The following VWA8 variants were observed in gnomAD, a reference collection of about 807,000 sequenced individuals.
VWA8 encodes von Willebrand factor A domain-containing protein 8.
VWA8 carries 221 observed loss-of-function variants against 241.5 expected under a neutral mutation model. The observed-to-expected ratio is 0.91, with a 90% CI of 0.82 to 1.02. The LOEUF is 1.02. VWA8 is among the 50% of genes least tolerant of loss of function. The probability of loss-of-function intolerance (pLI) is 0.00; values close to 1 mark genes in which losing one functional copy is unlikely to be tolerated. For synonymous variants in VWA8, 852 were observed against 827.1 expected (o/e 1.03, Z -0.52); for missense variants, 2,322 against 2,328.7 (o/e 1.00, Z 0.06).
At chr13:41,886,635 T>TA in intron 7 of VWA8, 146 bp downstream of exon 7, 1 of 671,314 alleles carries the variant, frequency 1.5e-6, no homozygotes, top group Non-Finnish European at 2.5e-6. Context: ...GATATCTTAT[T>TA]AATTTTATCA....
intron 12 of VWA8, among the ~76,000 whole-genome samples, chr13:41,840,571 A>C (rs1871951005): frequency 6.6e-6 from 1 of 152,104 alleles, no homozygotes; most frequent in African/African-American, 2.4e-5. Context: ...CAGCCTGGGC[A>C]ACAAGGCAAA....
At chr13:41,570,830 C>T (rs1593620549) in intron 43 of VWA8, 124 bp from the exon 44 acceptor site, 2 of 750,464 alleles carry the variant, frequency 2.7e-6, no homozygotes, top group East Asian at 5.4e-5. Flanking sequence ...GTAGTACATT[C>T]TAAGTTAGTT....
intron 36 of VWA8, among the ~76,000 whole-genome samples, chr13:41,671,497 T>C (rs2045023522): frequency 6.6e-6 from 1 of 152,214 alleles, no homozygotes; most frequent in Non-Finnish European, 1.5e-5. Context: ...TTAGGTTCTC[T>C]AAACTTGCTA....
chr13:41,570,000 A>G (rs1423947433), intron 44 of VWA8, among the ~76,000 whole-genome samples: 1 of 152,146 alleles, frequency 6.6e-6, no homozygotes, highest in African/African-American at 2.4e-5. Context: ...TATGTAGGTG[A>G]TGTCTCTATG....
At chr13:41,693,161 T>C (rs925654668) in intron 29 of VWA8, among the ~76,000 whole-genome samples, 189 bp from the exon 30 acceptor site, 1 of 152,048 alleles carries the variant, frequency 6.6e-6, no homozygotes, top group Non-Finnish European at 1.5e-5. Flanking sequence ...AAGAATTAAG[T>C]GCTTCTTAAT....
intron 4 of VWA8, among the ~76,000 whole-genome samples, chr13:41,898,785 G>A (rs6561022): frequency 0.28 from 34,427 of 123,196 alleles, 3,981 homozygotes; most frequent in East Asian, 0.35. Flanking sequence ...TGGCACTGCT[G>A]GGGGACCCAG....
chr13:41,665,313 A>G (rs1264109612), intron 37 of VWA8, among the ~76,000 whole-genome samples: 1 of 152,062 alleles, frequency 6.6e-6, no homozygotes, highest in African/African-American at 2.4e-5. Flanking sequence ...TTAAGGTTCA[A>G]TTATTTTTAT....
At chr13:41,903,216 A>G (rs1875541589) in intron 4 of VWA8, among the ~76,000 whole-genome samples, 1 of 152,186 alleles carries the variant, frequency 6.6e-6, no homozygotes, top group African/African-American at 2.4e-5. Flanking sequence ...CAAAAAGGCA[A>G]ACATCCATAG....
intron 4 of VWA8, among the ~76,000 whole-genome samples, chr13:41,894,450 C>G (rs1396530441): frequency 1.3e-5 from 2 of 152,178 alleles, no homozygotes; most frequent in Non-Finnish European, 2.9e-5. Flanking sequence ...AATGCTGCAA[C>G]TTTTCTCCAC....
chr13:41,647,065 G>A (rs2044836731), intron 37 of VWA8, among the ~76,000 whole-genome samples: 1 of 152,286 alleles, frequency 6.6e-6, no homozygotes, highest in Middle Eastern at 3.4e-3. Context: ...TGATGGGCAG[G>A]CTTCAGTACC....
chr13:41,691,381 G>T lies in VWA8; in HGVS notation c.3805C>A (p.Leu1269Ile). The T allele has an allele frequency of 6.2e-7, 1 of 1,612,860 alleles. No homozygotes were observed. The highest frequency in any genetic ancestry group is 1.1e-5 in the South Asian group (1 of 91,048). Residue 1269 changes from leucine to isoleucine, a missense_variant, in exon 32 of 45, where the codon CTC becomes ATC. Leu to Ile is a conservative substitution (Grantham distance 5, BLOSUM62 2). Coordinates refer to ENST00000379310, the MANE Select transcript of VWA8 (RefSeq NM_015058.2). ...RTHTISLPIN[L>I]KTVFLVAEDK... Reference sequence around the variant, plus strand: ...TCTGCTACAAGGAAAACTGTCTTGAGGTTGATGGGAAGTGAGATGGTGTGA... The same window carrying T: ...TCTGCTACAAGGAAAACTGTCTTGATGTTGATGGGAAGTGAGATGGTGTGA...
chr13:41,681,362 T>TC (rs1277596643), intron 35 of VWA8, among the ~76,000 whole-genome samples: 7 of 152,094 alleles, frequency 4.6e-5, no homozygotes, highest in African/African-American at 1.7e-4. Context: ...AAGCCTACCT[T>TC]CCCATTTTCT....
intron 37 of VWA8, among the ~76,000 whole-genome samples, chr13:41,653,410 T>G (rs1054541786): frequency 2.0e-5 from 3 of 152,118 alleles, no homozygotes; most frequent in Non-Finnish European, 2.9e-5. Flanking sequence ...AAATCAGAGA[T>G]AACGCAGACA....
intron 43 of VWA8, among the ~76,000 whole-genome samples, chr13:41,575,177 T>C (rs899242964): frequency 2.6e-5 from 4 of 152,110 alleles, no homozygotes; most frequent in African/African-American, 9.7e-5. Context: ...AACCAAATAC[T>C]GTATGTTCTC....
At chr13:41,587,825 A>G (rs774480543) in intron 41 of VWA8, among the ~76,000 whole-genome samples, 155 bp from the exon 42 acceptor site, 2 of 152,214 alleles carry the variant, frequency 1.3e-5, no homozygotes, top group Non-Finnish European at 2.9e-5. Flanking sequence ...AGCAGGTAGC[A>G]AGGCATCTAT....
At chr13:41,597,644 G>A (rs927350604) in intron 40 of VWA8, among the ~76,000 whole-genome samples, 1 of 151,424 alleles carries the variant, frequency 6.6e-6, no homozygotes, top group African/African-American at 2.4e-5. Flanking sequence ...AATTATTTCA[G>A]GTCTTTCCTT....
intron 43 of VWA8, among the ~76,000 whole-genome samples, chr13:41,573,724 T>A (rs1186248142): frequency 1.3e-5 from 2 of 151,214 alleles, no homozygotes; most frequent in Admixed American, 1.3e-4. Context: ...TTCGGGCGGT[T>A]CTCCTGCCTC....
intron 26 of VWA8, among the ~76,000 whole-genome samples, chr13:41,713,988 A>T (rs564791027): frequency 1.3e-5 from 2 of 152,088 alleles, no homozygotes; most frequent in Admixed American, 1.3e-4. Context: ...GAAAATAAAA[A>T]TAATTAGAAA....
intron 22 of VWA8, 138 bp downstream of exon 22, chr13:41,731,942 C>T: frequency 1.5e-6 from 1 of 653,726 alleles, no homozygotes; most frequent in African/African-American, 1.9e-5. Flanking sequence ...TATAAATTAC[C>T]CCGTCTCAGG....
Sources: allele counts gnomAD v4.1 joint callset (sites outside exome capture counted in the v4.1 genomes callset), GRCh38; gene constraint gnomAD v4.1.1; transcripts MANE v1.5; gene names NCBI Gene and HGNC (gene_info 2026-07-23, HGNC 2026-07-21).